SYNE2: variants seen among roughly 807,000 people sequenced by gnomAD.
SYNE2 encodes the protein spectrin repeat containing nuclear envelope protein 2.
In SYNE2, 431 loss-of-function variants were observed where a neutral mutation model predicts 856.3. The observed-to-expected ratio is 0.50, with a 90% confidence interval of 0.47 to 0.55. The LOEUF is 0.55. Among genes scored for constraint, SYNE2 ranks in the 20% least tolerant of loss-of-function variants. SYNE2 has a pLI of 0.00. For missense variants in SYNE2, 8,129 were observed against 8,023.2 expected (o/e 1.01, Z -0.50); for synonymous variants, 2,923 against 2,872.3 (o/e 1.02, Z -0.56).
intron 1 of SYNE2, among the ~76,000 whole-genome samples, chr14:63,820,295 G>A (rs1260378405): frequency 2.0e-5 from 3 of 152,026 alleles, no homozygotes; most frequent in African/African-American, 7.2e-5. Flanking sequence ...GTGAACAAAA[G>A]GTCAAGTACA....
At chr14:64,001,849 C>G in intron 28 of SYNE2, 85 bp from the exon 29 acceptor site, 1 of 1,418,678 alleles carries the variant, frequency 7.0e-7, no homozygotes, top group Non-Finnish European at 1.0e-6. Context: ...ATTTTCTGTT[C>G]TTAGTTCAGT....
intron 84 of SYNE2, among the ~76,000 whole-genome samples, chr14:64,151,390 T>C (rs899414106): frequency 8.1e-6 from 1 of 123,106 alleles, no homozygotes; most frequent in African/African-American, 3.1e-5. Flanking sequence ...TCTTTCCTTA[T>C]GGACCATGCA....
intron 100 of SYNE2, among the ~76,000 whole-genome samples, chr14:64,204,821 A>G (rs913047609): frequency 1.3e-5 from 2 of 152,242 alleles, no homozygotes; most frequent in South Asian, 2.1e-4. Flanking sequence ...AATTTACTAT[A>G]TATCTGGAGG....
chr14:63,932,100 G>C (rs1055892103), intron 2 of SYNE2, among the ~76,000 whole-genome samples: 1 of 152,230 alleles, frequency 6.6e-6, no homozygotes, highest in Non-Finnish European at 1.5e-5. Flanking sequence ...TTTGGGGCCA[G>C]TTGCAGTGGC....
chr14:63,841,999 ATT>A (rs373831086), intron 1 of SYNE2, among the ~76,000 whole-genome samples: 1 of 150,642 alleles, frequency 6.6e-6, no homozygotes, highest in Non-Finnish European at 1.5e-5. Context: ...TGCCCGGCTA[ATT>A]TTTTTTGTAT....
In SYNE2 at chr14:64,170,383, C is replaced by G. The variant is rs142780941; in HGVS notation, c.17156C>G (p.Thr5719Ser). 6.2e-7 allele frequency: 1 copy of G among 1,614,068 alleles called. No homozygotes were observed. The highest frequency in any genetic ancestry group is 1.3e-5 in the African/African-American group (1 of 74,914). The change falls in exon 94 of 116, where the codon ACC (threonine) becomes AGC (serine). Residue 5719 changes from threonine to serine, a missense_variant. Around this residue, in one of 3 missense-constraint regions of SYNE2, gnomAD observed 5,410 missense variants for 5,284.8 expected, o/e 1.02. Transcript: ENST00000555002. Reference protein sequence around the residue: ...VENLFRFLTDTSHLLSAVKGQ... With the variant: ...VENLFRFLTDSSHLLSAVKGQ... ...AACTTGTTTCGCTTCCTCACTGACA[C>G]CAGCCACCTGCTATCTGCAGTGAAG... is the stretch of plus-strand genomic sequence containing the variant.
chr14:63,988,325 G>C (rs746487511), intron 19 of SYNE2, among the ~76,000 whole-genome samples: 1 of 152,170 alleles, frequency 6.6e-6, no homozygotes, highest in East Asian at 1.9e-4. Context: ...TGATTTGCCC[G>C]CCTCAGCCCC....
chr14:64,019,645 G>A (rs576319798), intron 34 of SYNE2, among the ~76,000 whole-genome samples: 1 of 151,184 alleles, frequency 6.6e-6, no homozygotes, highest in Non-Finnish European at 1.5e-5. Context: ...TTGTGTGTCC[G>A]TGTGTGTGTG....
At chr14:64,060,898 A>C (rs1302253780) in intron 49 of SYNE2, among the ~76,000 whole-genome samples, 1 of 151,880 alleles carries the variant, frequency 6.6e-6, no homozygotes, top group African/African-American at 2.4e-5. Context: ...GTTTTGTCCT[A>C]TGTTGGCAGC....
chr14:63,815,231 TATATATATGG>T (rs1712221490), intron 1 of SYNE2, among the ~76,000 whole-genome samples: 1 of 140,398 alleles, frequency 7.1e-6, no homozygotes, highest in Non-Finnish European at 1.5e-5. Flanking sequence ...TATATATCCA[TATATATATGG>T]ATATATATAT....
Position 63,998,229 on chromosome 14 carries a change from C to G in SYNE2, c.3254C>G (p.Pro1085Arg). ...TGCATATTCCCTTAGGCAATGGAAC[C>G]CACTATGAAGTTTAGCCTGGCATCA... ...NQPSTEKAMEPTMKFSLASVL... is the reference protein window; with the variant it reads ...NQPSTEKAMERTMKFSLASVL... Residue 1085 changes from proline to arginine, a missense_variant, in exon 26 of 116, where the codon CCC becomes CGC. This residue lies in a region of SYNE2 where 2,422 missense variants were observed against 2,357.4 expected (regional missense o/e 1.03). Transcript: ENST00000555002. 6.2e-7 allele frequency: 1 copy of G among 1,612,988 alleles called. No individual in the cohort carries two copies.
chr14:63,880,690 T>G (rs915759713), intron 1 of SYNE2, among the ~76,000 whole-genome samples: 1 of 147,390 alleles, frequency 6.8e-6, no homozygotes, highest in Admixed American at 6.9e-5. Context: ...TTTTTTTTTT[T>G]AAGACAGGGT....
intron 11 of SYNE2, among the ~76,000 whole-genome samples, chr14:63,974,882 G>GTATA (rs1465256139): frequency 1.7e-3 from 47 of 27,086 alleles, no homozygotes; most frequent in South Asian, 0.016. Flanking sequence ...GTGTGTGTGT[G>GTATA]TGTGTGTGTG....
intron 1 of SYNE2, among the ~76,000 whole-genome samples, chr14:63,897,632 G>A (rs11626911): frequency 0.48 from 72,328 of 152,018 alleles, 18,525 homozygotes; most frequent in South Asian, 0.66. Context: ...GACCCAGCAT[G>A]CCATTTGGGT....
At chr14:63,889,046 CAAAAAAAAAAAAAA>C (rs200729691) in intron 1 of SYNE2, among the ~76,000 whole-genome samples, 6 of 108,636 alleles carry the variant, frequency 5.5e-5, no homozygotes, top group East Asian at 3.2e-4. Context: ...TACTAAAATA[CAAAAAAAAAAAAAA>C]AAAAAAAAAA....
At chr14:64,008,035 G>A (rs1284190046) in intron 31 of SYNE2, among the ~76,000 whole-genome samples, 1 of 152,130 alleles carries the variant, frequency 6.6e-6, no homozygotes, top group African/African-American at 2.4e-5. Context: ...CCTTCTGGAG[G>A]CTCTAGGCAA....
chr14:63,811,694 GA>G (rs1241407423), intron 1 of SYNE2, among the ~76,000 whole-genome samples: 1 of 152,178 alleles, frequency 6.6e-6, no homozygotes, highest in Non-Finnish European at 1.5e-5. Context: ...CTGAGAAAAA[GA>G]AAGAGTACAA....
At chr14:64,076,249 A>G (rs2097457974) in intron 54 of SYNE2, 149 bp downstream of exon 54, 1 of 776,744 alleles carries the variant, frequency 1.3e-6, no homozygotes, top group African/African-American at 1.8e-5. Context: ...ATTGAATGCT[A>G]AGATAAAGAT....
chr14:64,057,747 A>T (rs893817132), intron 49 of SYNE2, among the ~76,000 whole-genome samples: 5 of 152,198 alleles, frequency 3.3e-5, no homozygotes, highest in African/African-American at 9.7e-5. Context: ...ACAGCATATG[A>T]AGATGCTGTT....
Sources: gnomAD v4.1 joint callset for allele counts (sites outside exome capture counted in the v4.1 genomes callset) on GRCh38, gnomAD v4.1.1 for gene constraint, gnomAD v4.1.1 regional missense constraint, MANE v1.5 for transcripts, NCBI Gene and HGNC (gene_info 2026-07-23, HGNC 2026-07-21) for gene names.